SCYL3: variants seen among roughly 807,000 people sequenced by gnomAD.
SCYL3 encodes SCY1 like pseudokinase 3, also known as protein-associating with the carboxyl-terminal domain of ezrin.
A neutral mutation model predicts 73.8 loss-of-function variants in SCYL3; 35 were observed. The observed-to-expected ratio is 0.47, with a 90% confidence interval of 0.36 to 0.63. The LOEUF (loss-of-function observed/expected upper bound fraction) is 0.63, where lower values mean the gene tolerates loss of function less well. SCYL3 is among the 20% of genes least tolerant of loss of function. The probability of loss-of-function intolerance (pLI) is 0.00; values close to 1 mark genes in which losing one functional copy is unlikely to be tolerated. For missense variants in SCYL3, 712 were observed against 798.9 expected (o/e 0.89, Z 1.31); for synonymous variants, 277 against 295.2 (o/e 0.94, Z 0.63).
At chr1:169,868,677 A>G (rs979782039) in intron 7 of SCYL3, among the ~76,000 whole-genome samples, 1 of 152,252 alleles carries the variant, frequency 6.6e-6, no homozygotes, top group African/African-American at 2.4e-5. Flanking sequence ...ATCTGGCTAC[A>G]GTTTCTAAAT....
chr1:169,855,098 A>G, intron 11 of SCYL3, 134 bp from the exon 12 acceptor site: 1 of 610,444 alleles, frequency 1.6e-6, no homozygotes, highest in South Asian at 2.2e-5. Flanking sequence ...TAAACAAAAG[A>G]GATCCCAGCA....
chr1:169,855,632 G>A (rs1659067600), intron 11 of SCYL3, among the ~76,000 whole-genome samples: 1 of 152,126 alleles, frequency 6.6e-6, no homozygotes, highest in South Asian at 2.1e-4. Flanking sequence ...TAAAGAGGAG[G>A]TAAGTATATA....
intron 4 of SCYL3, among the ~76,000 whole-genome samples, chr1:169,874,036 G>T (rs1173953914): frequency 1.3e-5 from 2 of 152,164 alleles, no homozygotes; most frequent in South Asian, 4.1e-4. Context: ...CTGTGCATCT[G>T]ATTTCCTTAT....
At chr1:169,873,890 A>G (rs1419213530) in intron 4 of SCYL3, 138 bp from the exon 5 acceptor site, 2 of 601,536 alleles carry the variant, frequency 3.3e-6, no homozygotes, top group Non-Finnish European at 5.9e-6. Context: ...TATTAGATGC[A>G]CAAATTTAAA....
intron 2 of SCYL3, among the ~76,000 whole-genome samples, chr1:169,884,382 T>C (rs1661525971): frequency 6.6e-6 from 1 of 151,896 alleles, no homozygotes; most frequent in South Asian, 2.1e-4. Flanking sequence ...ACTGCAACCT[T>C]CGCCTCCCAG....
At chr1:169,885,897 G>A (rs1661647532) in intron 2 of SCYL3, among the ~76,000 whole-genome samples, 1 of 152,174 alleles carries the variant, frequency 6.6e-6, no homozygotes, top group African/African-American at 2.4e-5. Flanking sequence ...CATTCCATCT[G>A]GTGGGTCCAT....
chr1:169,855,029 G>T, intron 11 of SCYL3, 65 bp from the exon 12 acceptor site: 1 of 1,192,346 alleles, frequency 8.4e-7, no homozygotes, highest in Non-Finnish European at 1.2e-6. Context: ...TTATGGGAAG[G>T]ATAGCATTAA....
chr1:169,873,422 A>C (rs1660569608), intron 5 of SCYL3, among the ~76,000 whole-genome samples: 1 of 152,208 alleles, frequency 6.6e-6, no homozygotes, highest in African/African-American at 2.4e-5. Context: ...AAAACAGACT[A>C]ATACAACTAC....
chr1:169,853,861 T>G, intron 12 of SCYL3, 89 bp from the exon 13 acceptor site: 1 of 1,462,402 alleles, frequency 6.8e-7, no homozygotes, highest in Non-Finnish European at 9.5e-7. Context: ...GAATTTAAAA[T>G]TTATCTTTTG....
rs869158038 is a variant in SCYL3 at position 169,850,980 on chromosome 1, C to CTTTTTTTTTTTTT, written c.*2720_*2732dup. ...TATTTTGGGTATAATTTAGGCATGGCTTTTTTTTTTTTTTTTTTTTTTTTT... is the reference window on the plus strand; with the variant it reads ...TATTTTGGGTATAATTTAGGCATGGCTTTTTTTTTTTTTTTTTTTTTTTTTTTTTTTTTTTTTT... On this transcript the variant is annotated 3_prime_UTR_variant, in exon 13 of 13. Transcript: ENST00000367771. 3.5e-4 allele frequency: 11 copies of CTTTTTTTTTTTTT among 31,580 alleles called. 2 individuals carry two copies. In the East Asian group the frequency reaches 4.1e-3, roughly 12 times the overall value. 2.0% of individuals were successfully genotyped at this position (31,580 alleles called of 1,614,324 possible).
Position 169,853,738 on chromosome 1 carries a change from A to G in SCYL3, c.2042T>C (p.Leu681Pro), listed in dbSNP as rs767877972. The change falls in exon 13 of 13, where the codon CTG becomes CCG. Residue 681 changes from leucine to proline, a missense_variant. Physicochemically the swap from Leu to Pro is moderately conservative, Grantham distance 98. Coordinates refer to ENST00000367771, the MANE Select transcript of SCYL3 (RefSeq NM_020423.7). The stretch of plus-strand genomic sequence containing the variant: ...TCACCAGTTATTATCTTCCCAGTTC[A>G]GCTCCCCTTCTTCTTCCCAGCCTTC... ...EAEGWEEEGE[L>P]NWEDNNW 1.2e-6 allele frequency: 2 copies of G among 1,613,830 alleles called. No individual in the cohort carries two copies. The highest frequency in any genetic ancestry group is 1.1e-5 in the South Asian group (1 of 91,062).
At chr1:169,877,598 G>C (rs1309250345) in intron 3 of SCYL3, among the ~76,000 whole-genome samples, 1 of 152,144 alleles carries the variant, frequency 6.6e-6, no homozygotes, top group African/African-American at 2.4e-5. Context: ...AAAAATGAAA[G>C]AGAAGAAGTA....
Position 169,854,835 on chromosome 1 carries a change from G to C in SCYL3, c.1442C>G (p.Pro481Arg), listed in dbSNP as rs755305422. Residue 481 changes from proline to arginine, a missense_variant, in exon 12 of 13, where the codon CCT becomes CGT. This residue lies in a region of SCYL3 where 370 missense variants were observed against 350.8 expected (regional missense o/e 1.05). Transcript: ENST00000367771. Reference protein sequence around the residue: ...KSEEWPDWSEPEEPENQTVNI... With the variant: ...KSEEWPDWSEREEPENQTVNI... Reference sequence around the variant, plus strand: ...GACAGTTTGATTTTCAGGCTCCTCAGGTTCACTCCAGTCAGGCCACTCCTC... The same window carrying C: ...GACAGTTTGATTTTCAGGCTCCTCACGTTCACTCCAGTCAGGCCACTCCTC... 1.9e-6 allele frequency: 3 copies of C among 1,614,056 alleles called. No homozygotes were observed. The highest frequency in any genetic ancestry group is 2.5e-6 in the Non-Finnish European group (3 of 1,179,950).
intron 10 of SCYL3, among the ~76,000 whole-genome samples, chr1:169,861,251 A>G (rs1659624176): frequency 6.6e-6 from 1 of 152,162 alleles, no homozygotes; most frequent in African/African-American, 2.4e-5. Flanking sequence ...TTCCAACTCT[A>G]ACCGAGAGAA....
intron 10 of SCYL3, among the ~76,000 whole-genome samples, chr1:169,860,689 A>T (rs882596): frequency 0.01 from 1,524 of 152,356 alleles, 24 homozygotes; most frequent in African/African-American, 0.034. Context: ...TATGATAATC[A>T]TAAAACAGCA....
rs562214139 is a variant in SCYL3 at position 169,854,367 on chromosome 1, A to G, written c.1910T>C (p.Ile637Thr). The G allele has an allele frequency of 2.2e-5, 35 of 1,614,076 alleles. No homozygotes were observed. The Admixed American group carries it at 4.7e-4, about 22-fold the overall frequency. Residue 637 changes from isoleucine (I) to threonine (T), a missense_variant, in exon 12 of 13, where the codon ATA becomes ACA. By Grantham distance (89) the Ile-to-Thr change is moderately conservative. Transcript: ENST00000367771. ...CATTTCTGTCCTCAGTTCAGGTAAT[A>G]TAAGAAAAGCAGCAGAAGGCTTAAT... ...PEIKPSAAFL[I>T]LPELRTEMVP...
At chr1:169,877,295 C>T (rs558129739) in intron 3 of SCYL3, among the ~76,000 whole-genome samples, 1 of 152,072 alleles carries the variant, frequency 6.6e-6, no homozygotes, top group African/African-American at 2.4e-5. Context: ...AGGGGGACTA[C>T]AGGCATGTGC....
chr1:169,877,705 G>C (rs1239849374), intron 3 of SCYL3, among the ~76,000 whole-genome samples: 3 of 152,136 alleles, frequency 2.0e-5, no homozygotes, highest in Admixed American at 2.0e-4. Flanking sequence ...TAGGGCACTG[G>C]ATTCAAGGAT....
chr1:169,889,563 A>C (rs1225191849), intron 1 of SCYL3, among the ~76,000 whole-genome samples: 4 of 152,168 alleles, frequency 2.6e-5, no homozygotes, highest in African/African-American at 9.6e-5. Context: ...GGAAACCGCA[A>C]AACTGAATCT....
Sources: gnomAD v4.1 joint callset for allele counts (sites outside exome capture counted in the v4.1 genomes callset) on GRCh38, gnomAD v4.1.1 for gene constraint, gnomAD v4.1.1 regional missense constraint, MANE v1.5 for transcripts, NCBI Gene and HGNC (gene_info 2026-07-23, HGNC 2026-07-21) for gene names.